JMY: variants seen among roughly 807,000 people sequenced by gnomAD.
JMY encodes the protein junction mediating and regulatory protein, p53 cofactor.
A neutral mutation model predicts 103.3 loss-of-function variants in JMY; 46 were observed. The observed-to-expected ratio is 0.45, with a 90% CI of 0.35 to 0.57. The LOEUF (loss-of-function observed/expected upper bound fraction) is 0.57. JMY is among the 20% of genes least tolerant of loss of function. JMY has a pLI of 0.00. For synonymous variants in JMY, 526 were observed against 489.3 expected, an observed-to-expected ratio of 1.07 and a Z score of -0.99; for missense variants, 1,238 against 1,255.2, an observed-to-expected ratio of 0.99 and a Z score of 0.21.
chr5:79,307,899 C>T (rs1214185628), intron 7 of JMY, among the ~76,000 whole-genome samples: 1 of 152,038 alleles, frequency 6.6e-6, no homozygotes, highest in Non-Finnish European at 1.5e-5. Flanking sequence ...TCACCACGCC[C>T]AGCTAATTTT....
intron 1 of JMY, among the ~76,000 whole-genome samples, chr5:79,244,392 G>A (rs1744829030): frequency 6.6e-6 from 1 of 152,166 alleles, no homozygotes; most frequent in Non-Finnish European, 1.5e-5. Context: ...TATTATAAGG[G>A]AGTGTGTATG....
intron 1 of JMY, among the ~76,000 whole-genome samples, chr5:79,260,443 T>G (rs1745386779): frequency 6.6e-6 from 1 of 152,230 alleles, no homozygotes. Context: ...ATGAGTGGCT[T>G]GATCTTGCCT....
intron 1 of JMY, among the ~76,000 whole-genome samples, chr5:79,277,633 T>C (rs996937416): frequency 7.9e-5 from 12 of 151,482 alleles, no homozygotes; most frequent in African/African-American, 2.7e-4. Context: ...AGTGAAACCC[T>C]GTCTCAAAAA....
Position 79,312,391 on chromosome 5 carries a change from A to T in JMY, c.1969-12A>T, listed in dbSNP as rs878918037. Reference sequence around the variant, plus strand: ...ACACAGCATAATGGAATTATTATTAATTTTTTACCAGAAGAGAGAAAAATT... The same window carrying T: ...ACACAGCATAATGGAATTATTATTATTTTTTTACCAGAAGAGAGAAAAATT... On this transcript the variant is annotated splice_polypyrimidine_tract_variant and intron_variant, in intron 7 of 10. Coordinates refer to ENST00000396137, the MANE Select transcript of JMY (RefSeq NM_152405.5). 2.6e-5 allele frequency: 39 copies of T among 1,481,160 alleles called. No homozygotes were observed. The highest frequency in any genetic ancestry group is 3.3e-5 in the Non-Finnish European group (36 of 1,090,366). The allele number at this position is 1,481,160 out of a possible 1,614,324, so 91.8% of individuals were successfully genotyped here.
chr5:79,278,543 G>A (rs974171863), intron 2 of JMY, among the ~76,000 whole-genome samples: 2 of 124,594 alleles, frequency 1.6e-5, no homozygotes, highest in Admixed American at 1.1e-4. Flanking sequence ...CTTGAGCTCC[G>A]AGCTTGAGAC....
intron 1 of JMY, among the ~76,000 whole-genome samples, chr5:79,239,479 CCTGT>C (rs1275313332): frequency 2.6e-5 from 4 of 152,090 alleles, no homozygotes; most frequent in Non-Finnish European, 5.9e-5. Flanking sequence ...AATGAATGGG[CCTGT>C]CTGATTGTAA....
intron 2 of JMY, among the ~76,000 whole-genome samples, chr5:79,281,198 C>T (rs909509340): frequency 1.3e-5 from 2 of 151,520 alleles, no homozygotes; most frequent in African/African-American, 4.8e-5. Context: ...GCACCTGCCA[C>T]CACACCCGGC....
At chr5:79,291,940 A>G (rs547106237) in intron 4 of JMY, among the ~76,000 whole-genome samples, 149 of 152,358 alleles carry the variant, frequency 9.8e-4, no homozygotes, top group Middle Eastern at 3.4e-3. Flanking sequence ...AGAATACAGC[A>G]TTATGTAAAA....
chr5:79,283,388 T>A (rs1350149412), intron 2 of JMY, among the ~76,000 whole-genome samples: 1 of 152,228 alleles, frequency 6.6e-6, no homozygotes, highest in Non-Finnish European at 1.5e-5. Context: ...TGATTTCCAA[T>A]GGTTTCATTA....
chr5:79,262,509 C>T (rs996034042), intron 1 of JMY, among the ~76,000 whole-genome samples: 7 of 152,110 alleles, frequency 4.6e-5, no homozygotes, highest in African/African-American at 1.4e-4. Flanking sequence ...TTATAGGAAA[C>T]GGTTTACACG....
At chr5:79,270,312 AAT>A (rs1300173218) in intron 1 of JMY, among the ~76,000 whole-genome samples, 6 of 144,828 alleles carry the variant, frequency 4.1e-5, no homozygotes, top group African/African-American at 1.0e-4. Context: ...AAATATTTAA[AAT>A]ATATATTTAC....
intron 2 of JMY, 75 bp downstream of exon 2, chr5:79,278,158 C>G (rs1224985792): frequency 2.1e-6 from 2 of 968,456 alleles, no homozygotes; most frequent in Non-Finnish European, 2.9e-6. Flanking sequence ...GCGTTATCCA[C>G]AAGAGGAACT....
intron 4 of JMY, among the ~76,000 whole-genome samples, chr5:79,298,028 G>A (rs752347617): frequency 1.3e-5 from 2 of 152,138 alleles, no homozygotes; most frequent in Non-Finnish European, 2.9e-5. Context: ...AGCTGACAGC[G>A]TAAAGGCATG....
At position 79,314,287 on chromosome 5, in the gene JMY, A is replaced by G. The variant is rs780506972; in HGVS notation, c.2095A>G (p.Thr699Ala). 30 of 1,613,068 alleles carry G rather than the reference A, an allele frequency of 1.9e-5. No homozygotes were observed. The highest frequency in any genetic ancestry group is 2.3e-5 in the Non-Finnish European group (27 of 1,179,674). The change falls in exon 9 of 11, where the codon ACC becomes GCC. Residue 699 changes from threonine to alanine, a missense_variant. Thr to Ala is a moderately conservative substitution (Grantham distance 58). Coordinates refer to ENST00000396137, the MANE Select transcript of JMY (RefSeq NM_152405.5). The stretch of plus-strand genomic sequence containing the variant: ...TCCTGGGCAAGTCATACTTAAATCA[A>G]CCAGATTACGACTAGCTCATGCAAG... ...RYPGQVILKS[T>A]RLRLAHARRK...
chr5:79,288,814 CCT>C (rs1561305792), intron 2 of JMY, among the ~76,000 whole-genome samples: 1 of 151,900 alleles, frequency 6.6e-6, no homozygotes, highest in Non-Finnish European at 1.5e-5. Flanking sequence ...AGCAATCCTC[CCT>C]GTCTGTCTGG....
intron 9 of JMY, among the ~76,000 whole-genome samples, chr5:79,315,799 T>A (rs1747199630): frequency 6.6e-6 from 1 of 152,140 alleles, no homozygotes; most frequent in Admixed American, 6.5e-5. Flanking sequence ...CACCATGGAT[T>A]GGGTCTTGGG....
chr5:79,304,842 G>T, intron 6 of JMY, among the ~76,000 whole-genome samples: 1 of 152,186 alleles, frequency 6.6e-6, no homozygotes, highest in East Asian at 1.9e-4. Context: ...ATAAGGGATT[G>T]TGGACCTGTA....
At chr5:79,242,262 C>A (rs1395641285) in intron 1 of JMY, among the ~76,000 whole-genome samples, 1 of 152,108 alleles carries the variant, frequency 6.6e-6, no homozygotes, top group Non-Finnish European at 1.5e-5. Flanking sequence ...ATAGGACTAA[C>A]CACTTCTGAT....
At chr5:79,275,872 G>T (rs1050379880) in intron 1 of JMY, among the ~76,000 whole-genome samples, 9 of 152,132 alleles carry the variant, frequency 5.9e-5, no homozygotes, top group African/African-American at 2.2e-4. Context: ...GCTACATGTT[G>T]TGCCAAAAAT....
Sources: gnomAD v4.1 joint callset for allele counts (sites outside exome capture counted in the v4.1 genomes callset) on GRCh38, gnomAD v4.1.1 for gene constraint, MANE v1.5 for transcripts, NCBI Gene and HGNC (gene_info 2026-07-23, HGNC 2026-07-21) for gene names.